The following SIRPG variants were observed in gnomAD, a reference collection of about 807,000 sequenced individuals.
SIRPG encodes signal-regulatory protein gamma.
A neutral mutation model predicts 35.7 loss-of-function variants in SIRPG; 38 were observed. That is an observed-to-expected ratio of 1.06 (90% CI 0.82 to 1.40). The LOEUF (loss-of-function observed/expected upper bound fraction) is 1.40, where lower values mean the gene tolerates loss of function less well. Among genes scored for constraint, SIRPG ranks in the 40% most tolerant of loss-of-function variants. The pLI is 0.00. For synonymous variants in SIRPG, 215 were observed against 190.4 expected (o/e 1.13, Z -1.06); for missense variants, 519 against 483.0 (o/e 1.07, Z -0.70).
the SIRPG span, among the ~76,000 whole-genome samples, chr20:1,677,366 G>T: frequency 6.6e-6 from 1 of 152,144 alleles, no homozygotes; most frequent in Non-Finnish European, 1.5e-5. Context: ...ATTGAGTCAT[G>T]AGTAGAAATG....
chr20:1,679,005 A>G, the SIRPG span, among the ~76,000 whole-genome samples: 2 of 152,210 alleles, frequency 1.3e-5, no homozygotes, highest in Non-Finnish European at 2.9e-5. Flanking sequence ...TTCAAACACA[A>G]GGGAGAAATT....
the SIRPG span, among the ~76,000 whole-genome samples, chr20:1,665,667 T>C: frequency 6.6e-6 from 1 of 152,196 alleles, no homozygotes; most frequent in Admixed American, 6.5e-5. Flanking sequence ...AAGGAAGCCA[T>C]GGACTTGTTT....
chr20:1,672,375 A>G, the SIRPG span, among the ~76,000 whole-genome samples: 1 of 152,232 alleles, frequency 6.6e-6, no homozygotes, highest in Non-Finnish European at 1.5e-5. Context: ...AAAATGAAGT[A>G]ATTAAGGCTA....
intron 4 of SIRPG, 174 bp from the exon 5 acceptor site, chr20:1,630,480 T>A: frequency 3.4e-6 from 2 of 580,256 alleles, no homozygotes; most frequent in Non-Finnish European, 6.0e-6. Flanking sequence ...AGAAAGAGGC[T>A]CCCCATTCTC....
At chr20:1,630,979 G>A (rs2091745052) in intron 4 of SIRPG, 2 of 152,074 alleles carry the variant, frequency 1.3e-5, no homozygotes, top group Admixed American at 6.5e-5. Context: ...CTCATGCTTG[G>A]GAGGGCCTCA....
At chr20:1,673,670 C>G in the SIRPG span, among the ~76,000 whole-genome samples, 1 of 152,090 alleles carries the variant, frequency 6.6e-6, no homozygotes, top group African/African-American at 2.4e-5. Flanking sequence ...CTCCCCTTTT[C>G]TGAACAATCC....
chr20:1,675,022 T>C, the SIRPG span, among the ~76,000 whole-genome samples: 1 of 152,254 alleles, frequency 6.6e-6, no homozygotes, highest in Admixed American at 6.5e-5. Context: ...GCACACCCAA[T>C]TGTCCCTTTG....
At chr20:1,670,857 G>C in the SIRPG span, 14 of 257,564 alleles carry the variant, frequency 5.4e-5, no homozygotes, top group East Asian at 5.1e-4. Context: ...TATGGGATTG[G>C]GCTAGGAGTG....
the SIRPG span, among the ~76,000 whole-genome samples, chr20:1,680,298 A>G: frequency 6.6e-6 from 1 of 152,160 alleles, no homozygotes; most frequent in Non-Finnish European, 1.5e-5. Context: ...GCCTCATCCT[A>G]TATTCCATTA....
At chr20:1,675,353 T>G in the SIRPG span, among the ~76,000 whole-genome samples, 1 of 152,164 alleles carries the variant, frequency 6.6e-6, no homozygotes, top group Non-Finnish European at 1.5e-5. Flanking sequence ...GACCTGTCCT[T>G]TAGGAACAGG....
intron 2 of SIRPG, among the ~76,000 whole-genome samples, chr20:1,645,812 C>A (rs1266339386): frequency 1.3e-5 from 2 of 152,148 alleles, no homozygotes; most frequent in Non-Finnish European, 2.9e-5. Flanking sequence ...AAACCAAACA[C>A]CTCCACCATT....
chr20:1,652,624 T>C (rs1340015236), intron 1 of SIRPG, among the ~76,000 whole-genome samples: 1 of 152,220 alleles, frequency 6.6e-6, no homozygotes, highest in African/African-American at 2.4e-5. Context: ...ATCATCTATT[T>C]TGATGCAGAA....
intron 2 of SIRPG, chr20:1,637,583 C>A (rs952800708): frequency 6.6e-6 from 1 of 152,594 alleles, no homozygotes; most frequent in Non-Finnish European, 1.5e-5. Flanking sequence ...AATGCTATTT[C>A]CTTTGGCCTT....
intron 4 of SIRPG, among the ~76,000 whole-genome samples, chr20:1,631,366 T>C (rs188654089): frequency 9.6e-4 from 146 of 152,160 alleles, no homozygotes; most frequent in African/African-American, 3.3e-3. Context: ...ACAAGAAAGA[T>C]TGGCTGAATT....
chr20:1,668,152 TTTC>T, the SIRPG span, among the ~76,000 whole-genome samples: 118 of 108,834 alleles, frequency 1.1e-3, 2 homozygotes, highest in South Asian at 4.9e-3. Flanking sequence ...CTTTTCTTTT[TTTC>T]TTTTCTTTTC....
chr20:1,637,615 T>C (rs2091814783), intron 2 of SIRPG: 1 of 152,308 alleles, frequency 6.6e-6, no homozygotes, highest in Admixed American at 6.5e-5. Context: ...TTATTTTTTT[T>C]AGTTAGCAGG....
At chr20:1,635,141 G>A in intron 4 of SIRPG, 126 bp downstream of exon 4, 2 of 700,868 alleles carry the variant, frequency 2.9e-6, no homozygotes, top group Non-Finnish European at 4.6e-6. Context: ...GGGATTTGGG[G>A]GGATGGAGCT....
chr20:1,675,038 C>G, the SIRPG span, among the ~76,000 whole-genome samples: 1 of 152,164 alleles, frequency 6.6e-6, no homozygotes, highest in South Asian at 2.1e-4. Context: ...CTTTGAGATT[C>G]TTGACTTTAT....
intron 2 of SIRPG, chr20:1,646,436 C>T (rs550035604): frequency 5.9e-5 from 9 of 152,416 alleles, no homozygotes; most frequent in East Asian, 5.8e-4. Context: ...GCATGTGCTC[C>T]GCTGAGCTGC....
Sources: allele counts gnomAD v4.1 joint callset (sites outside exome capture counted in the v4.1 genomes callset), GRCh38; gene constraint gnomAD v4.1.1; transcripts MANE v1.5; gene names NCBI Gene and HGNC (gene_info 2026-07-23, HGNC 2026-07-21).